Variants in MSH3 observed in about 807,000 individuals in gnomAD.
MSH3 encodes the protein DNA mismatch repair protein Msh3.
Under a neutral mutation model 123.3 loss-of-function variants are expected in MSH3, and 106 were observed. That is an observed-to-expected ratio of 0.86 (90% CI 0.73 to 1.01). The LOEUF (loss-of-function observed/expected upper bound fraction) is 1.01, where lower values mean the gene tolerates loss of function less well. Ranked by LOEUF, MSH3 falls within the 50% of genes least tolerant of loss-of-function variation. The pLI is 0.00. For missense variants in MSH3, 1,459 were observed against 1,347.6 expected (o/e 1.08, Z -1.29); for synonymous variants, 515 against 481.4 (o/e 1.07, Z -0.91).
intron 12 of MSH3, among the ~76,000 whole-genome samples, chr5:80,760,777 C>T (rs905373339): frequency 3.3e-5 from 5 of 152,188 alleles, no homozygotes; most frequent in Non-Finnish European, 7.3e-5. Context: ...TACCATGAGG[C>T]TCACAAGCTT....
chr5:80,816,897 TAAG>T (rs1745110750), intron 20 of MSH3, among the ~76,000 whole-genome samples: 1 of 152,188 alleles, frequency 6.6e-6, no homozygotes, highest in South Asian at 2.1e-4. Flanking sequence ...TTGTGTATAA[TAAG>T]TAGAATTATT....
At chr5:80,717,049 G>T (rs1048724073) in intron 8 of MSH3, among the ~76,000 whole-genome samples, 1 of 152,084 alleles carries the variant, frequency 6.6e-6, no homozygotes, top group Non-Finnish European at 1.5e-5. Context: ...CATTTTTTGG[G>T]GGGGGCTGAA....
intron 8 of MSH3, among the ~76,000 whole-genome samples, chr5:80,690,729 C>A (rs1295809596): frequency 6.6e-6 from 1 of 152,118 alleles, no homozygotes. Flanking sequence ...GAAACTGAAG[C>A]ACGTAGCAAT....
chr5:80,670,619 AAT>A (rs1749683569), intron 4 of MSH3, among the ~76,000 whole-genome samples: 2 of 152,180 alleles, frequency 1.3e-5, no homozygotes, highest in South Asian at 4.1e-4. Context: ...TAATCATGTA[AAT>A]ATGTTTTCTA....
At chr5:80,692,831 GTA>G (rs1306186472) in intron 8 of MSH3, among the ~76,000 whole-genome samples, 2 of 120,964 alleles carry the variant, frequency 1.7e-5, no homozygotes, top group Non-Finnish European at 3.6e-5. Flanking sequence ...ACATACACAT[GTA>G]TATGTTTAGA....
At chr5:80,797,608 G>A (rs1744718971) in intron 19 of MSH3, among the ~76,000 whole-genome samples, 1 of 152,230 alleles carries the variant, frequency 6.6e-6, no homozygotes. Flanking sequence ...GAAATGATCT[G>A]CCAGAGGTTG....
chr5:80,712,706 A>G (rs1750883013), intron 8 of MSH3, among the ~76,000 whole-genome samples: 1 of 150,486 alleles, frequency 6.6e-6, no homozygotes, highest in Non-Finnish European at 1.5e-5. Context: ...ATTTTGTGTT[A>G]TATTTTCTAT....
rs1319462906 is a variant in MSH3 at position 80,743,619 on chromosome 5, C to T, written c.1654-887C>T. Reference sequence around the variant, plus strand: ...CAGCACTTTGGGAGGCCGAGGCGGGCGGATCACGAGGTCAGGAGATCGAGA... The same window carrying T: ...CAGCACTTTGGGAGGCCGAGGCGGGTGGATCACGAGGTCAGGAGATCGAGA... On this transcript the variant is annotated intron_variant, in intron 11 of 23. Transcript: ENST00000265081. Among the ~76,000 whole-genome samples, 14 of 9,340 alleles carry T rather than the reference C, an allele frequency of 1.5e-3. 5 individuals are homozygous for T. Among genetic ancestry groups the T allele is most frequent in the South Asian group, 0.01 (4 of 394 alleles). The allele number at this position is 9,340 out of a possible 152,430, so 6.1% of individuals were successfully genotyped here.
At chr5:80,682,269 A>G (rs1749989399) in intron 8 of MSH3, among the ~76,000 whole-genome samples, 1 of 152,102 alleles carries the variant, frequency 6.6e-6, no homozygotes, top group Non-Finnish European at 1.5e-5. Flanking sequence ...TATCTACTGT[A>G]TTGTCCTTCA....
intron 21 of MSH3, chr5:80,855,873 C>CTTTTTTTTTTTTTTT (rs5869058): frequency 4.7e-5 from 5 of 107,134 alleles, no homozygotes; most frequent in Non-Finnish European, 7.1e-5. Flanking sequence ...TCCTCCTCCT[C>CTTTTTTTTTTTTTTT]TTTTTTTTTT....
intron 10 of MSH3, among the ~76,000 whole-genome samples, chr5:80,729,308 G>C (rs1334783428): frequency 2.6e-5 from 4 of 151,218 alleles, no homozygotes; most frequent in African/African-American, 4.9e-5. Context: ...CCAGCTACTA[G>C]GGAGGCTGAG....
intron 9 of MSH3, among the ~76,000 whole-genome samples, chr5:80,726,283 C>A (rs1399237655): frequency 2.0e-5 from 3 of 152,134 alleles, no homozygotes. Context: ...TCATCCTACT[C>A]CATATGGAGG....
intron 12 of MSH3, among the ~76,000 whole-genome samples, chr5:80,754,925 A>C (rs1024879292): frequency 6.6e-6 from 1 of 152,130 alleles, no homozygotes. Flanking sequence ...AATGAAACCA[A>C]ATGTCACTTT....
intron 8 of MSH3, among the ~76,000 whole-genome samples, chr5:80,690,804 C>A (rs776601940): frequency 2.0e-5 from 3 of 151,962 alleles, no homozygotes; most frequent in Non-Finnish European, 4.4e-5. Flanking sequence ...GAAATCAGTT[C>A]GGTAGGTTGT....
At chr5:80,655,203 C>T (rs956009540) in intron 1 of MSH3, 1 of 381,324 alleles carries the variant, frequency 2.6e-6, no homozygotes, top group Non-Finnish European at 4.7e-6. Flanking sequence ...AATGGCAGGC[C>T]TGAGACAGGA....
chr5:80,678,959 T>C lies in MSH3; in HGVS notation c.1206T>C (p.Phe402=), dbSNP rs2112818995. 6.2e-7 allele frequency: 1 copy of C among 1,614,164 alleles called. No homozygotes were observed. The highest frequency in any genetic ancestry group is 1.3e-5 in the African/African-American group (1 of 75,044). The part of the protein sequence containing the change: ...GVQPATGEVV[F]DSFQDSASRS... ...AGCCTGCCACAGGCGAGGTTGTGTT[T>C]GATAGTTTCCAGGACTCTGCTTCTC... Residue 402 remains phenylalanine (F), a synonymous_variant, in exon 8 of 24, where the codon TTT becomes TTC. Coordinates refer to ENST00000265081, the MANE Select transcript of MSH3 (RefSeq NM_002439.5).
chr5:80,674,686 C>T (rs1284263960), intron 6 of MSH3, among the ~76,000 whole-genome samples: 1 of 152,174 alleles, frequency 6.6e-6, no homozygotes, highest in East Asian at 1.9e-4. Context: ...AAGATTTTTG[C>T]AAAGGGCAGA....
Position 80,868,682 on chromosome 5 carries a change from T to TG in MSH3, c.3130+3743dup, listed in dbSNP as rs1746146210. Among the ~76,000 whole-genome samples, 5 of 148,734 alleles carry TG rather than the reference T, an allele frequency of 3.4e-5. No homozygotes were observed. In the South Asian group the frequency reaches 1.1e-3, roughly 33 times the overall value. ...ACTAATGGATACAAGGCTTAATACC[T>TG]GGGCGATTAAATAATCAGTACAGCA... is the stretch of plus-strand genomic sequence containing the variant. On this transcript the variant is annotated intron_variant, in intron 22 of 23. Coordinates refer to ENST00000265081, the MANE Select transcript of MSH3 (RefSeq NM_002439.5).
chr5:80,685,986 GT>G (rs1271879958), intron 8 of MSH3, among the ~76,000 whole-genome samples: 1 of 151,990 alleles, frequency 6.6e-6, no homozygotes, highest in Non-Finnish European at 1.5e-5. Context: ...TCGATTTCTA[GT>G]TTTATTTCAT....
Sources: allele counts gnomAD v4.1 joint callset (sites outside exome capture counted in the v4.1 genomes callset), GRCh38; gene constraint gnomAD v4.1.1; transcripts MANE v1.5; gene names NCBI Gene and HGNC (gene_info 2026-07-23, HGNC 2026-07-21).